Variants in PCGF5 observed in about 807,000 individuals in gnomAD.
The protein encoded by PCGF5 is polycomb group ring finger 5.
In PCGF5, 9 loss-of-function variants were observed where a neutral mutation model predicts 44.3. That is an observed-to-expected ratio of 0.20 (90% CI 0.12 to 0.35). The LOEUF (loss-of-function observed/expected upper bound fraction) is 0.35. PCGF5 is among the 10% of genes least tolerant of loss of function. The pLI, the probability that PCGF5 is intolerant of heterozygous loss-of-function variation, is 1.00. For missense variants in PCGF5, 146 were observed against 305.3 expected, an observed-to-expected ratio of 0.48 and a Z score of 3.89; for synonymous variants, 95 against 102.5, an observed-to-expected ratio of 0.93 and a Z score of 0.44.
chr10:91,241,584 A>G (rs1845328427), intron 3 of PCGF5, among the ~76,000 whole-genome samples: 2 of 151,924 alleles, frequency 1.3e-5, no homozygotes, highest in African/African-American at 4.8e-5. Flanking sequence ...CACCTGTGTG[A>G]TCTTTAAGAA....
chr10:91,242,449 A>G (rs1442220309), intron 3 of PCGF5, among the ~76,000 whole-genome samples: 3 of 152,168 alleles, frequency 2.0e-5, no homozygotes, highest in African/African-American at 7.2e-5. Flanking sequence ...CAGACAGTTA[A>G]TAATTATTAC....
chr10:91,162,140 T>C (rs1843397180), upstream of PCGF5, among the ~76,000 whole-genome samples: 1 of 151,990 alleles, frequency 6.6e-6, no homozygotes, highest in Admixed American at 6.5e-5. Flanking sequence ...AGGTGTTGTC[T>C]GTAAACGGAG....
intron 1 of PCGF5, among the ~76,000 whole-genome samples, chr10:91,182,766 G>T (rs1449825151): frequency 6.6e-6 from 1 of 152,154 alleles, no homozygotes; most frequent in Non-Finnish European, 1.5e-5. Context: ...TAGTTTCAAA[G>T]AACTTGATTT....
chr10:91,157,191 C>A, the PCGF5 span, among the ~76,000 whole-genome samples: 2 of 152,184 alleles, frequency 1.3e-5, no homozygotes, highest in Non-Finnish European at 2.9e-5. Flanking sequence ...AAGTACTTTA[C>A]ATTTGTTATC....
chr10:91,178,524 G>A (rs1843756231), intron 1 of PCGF5, among the ~76,000 whole-genome samples: 1 of 151,768 alleles, frequency 6.6e-6, no homozygotes, highest in Non-Finnish European at 1.5e-5. Context: ...AAAGTAGCTG[G>A]AACCACAAGT....
intron 1 of PCGF5, among the ~76,000 whole-genome samples, chr10:91,211,646 T>C (rs1844454072): frequency 6.6e-6 from 1 of 152,156 alleles, no homozygotes; most frequent in South Asian, 2.1e-4. Context: ...GCTGGAAGAA[T>C]GAACAGTTTA....
chr10:91,260,625 C>T (rs946610660), intron 6 of PCGF5, among the ~76,000 whole-genome samples: 4 of 152,216 alleles, frequency 2.6e-5, no homozygotes, highest in African/African-American at 9.6e-5. Context: ...GAATACTATG[C>T]AGCCATAAAA....
At chr10:91,247,500 G>C (rs1845496518) in intron 3 of PCGF5, among the ~76,000 whole-genome samples, 1 of 151,580 alleles carries the variant, frequency 6.6e-6, no homozygotes, top group African/African-American at 2.4e-5. Context: ...AAAGGTTTTG[G>C]GGTTTTTTTT....
chr10:91,263,147 G>C (rs567515850), intron 7 of PCGF5, among the ~76,000 whole-genome samples: 1 of 152,134 alleles, frequency 6.6e-6, no homozygotes, highest in Admixed American at 6.6e-5. Context: ...TATGCAGGGG[G>C]ATTATTTAAT....
At position 91,262,941 on chromosome 10, in the gene PCGF5, T is replaced by C. The variant is rs374082031; in HGVS notation, c.574-1490T>C. On this transcript the variant is annotated intron_variant, in intron 7 of 9. Coordinates refer to ENST00000336126, the MANE Select transcript of PCGF5 (RefSeq NM_032373.5). ...TCATTGAGTTAACATTTTCTAATTT[T>C]TAGAAAGCTGTTATTACTAAGAGAA... Among the ~76,000 whole-genome samples the C allele has an allele frequency of 4.6e-5, 7 of 152,364 alleles. No homozygotes were observed. The East Asian group carries it at 7.7e-4, about 17-fold the overall frequency.
Position 91,203,240 on chromosome 10 carries a change from C to T in PCGF5, c.-183-19449C>T, listed in dbSNP as rs986108366. ...TATTAAAATGTTTAGGAAAATTATCCAACATTTGGGAATAAGGCACAGGAT... is the reference window on the plus strand; with the variant it reads ...TATTAAAATGTTTAGGAAAATTATCTAACATTTGGGAATAAGGCACAGGAT... On this transcript the variant is annotated intron_variant, in intron 1 of 9. Coordinates refer to the PCGF5 transcript ENST00000614189. 5.9e-5 allele frequency among the ~76,000 whole-genome samples: 9 copies of T among 152,156 alleles called. No individual in the cohort carries two copies. In the East Asian group the frequency reaches 1.7e-3, roughly 29 times the overall value.
intron 6 of PCGF5, among the ~76,000 whole-genome samples, chr10:91,255,917 T>A (rs546139010): frequency 6.6e-6 from 1 of 152,200 alleles, no homozygotes; most frequent in Non-Finnish European, 1.5e-5. Flanking sequence ...TTAAATCATC[T>A]CTAGATTACT....
At chr10:91,259,928 C>G in intron 6 of PCGF5, among the ~76,000 whole-genome samples, 1 of 151,726 alleles carries the variant, frequency 6.6e-6, no homozygotes, top group Non-Finnish European at 1.5e-5. Flanking sequence ...GTCTAAAACA[C>G]CAAAAGCAAT....
chr10:91,178,888 T>C (rs889389527), intron 1 of PCGF5, among the ~76,000 whole-genome samples: 1 of 152,208 alleles, frequency 6.6e-6, no homozygotes, highest in Admixed American at 6.5e-5. Flanking sequence ...TGAAGCATTA[T>C]TATTTGGAAG....
At chr10:91,267,809 A>G (rs1473015543) in intron 8 of PCGF5, among the ~76,000 whole-genome samples, 1 of 152,146 alleles carries the variant, frequency 6.6e-6, no homozygotes, top group Non-Finnish European at 1.5e-5. Flanking sequence ...AGGATGTCTG[A>G]AGAGCTCTTA....
chr10:91,209,388 C>T (rs1240833678), intron 1 of PCGF5, among the ~76,000 whole-genome samples: 1 of 152,092 alleles, frequency 6.6e-6, no homozygotes, highest in African/African-American at 2.4e-5. Flanking sequence ...GTAGGAGGAT[C>T]ATTTGAGACC....
intron 1 of PCGF5, among the ~76,000 whole-genome samples, chr10:91,168,808 A>G (rs534230041): frequency 6.6e-6 from 1 of 151,950 alleles, no homozygotes; most frequent in East Asian, 1.9e-4. Flanking sequence ...TGTGTCTGTA[A>G]TCTCAGCTAC....
chr10:91,262,601 T>A (rs1185619122), intron 7 of PCGF5, among the ~76,000 whole-genome samples: 1 of 152,174 alleles, frequency 6.6e-6, no homozygotes, highest in East Asian at 1.9e-4. Context: ...TATGTCCATG[T>A]TTTGAGGAAG....
intron 1 of PCGF5, among the ~76,000 whole-genome samples, chr10:91,206,111 T>G (rs1034901277): frequency 2.6e-4 from 40 of 152,226 alleles, no homozygotes; most frequent in African/African-American, 9.6e-4. Flanking sequence ...TTTTAATCTT[T>G]TATTTATAAA....
Sources: gnomAD v4.1 joint callset for allele counts (sites outside exome capture counted in the v4.1 genomes callset) on GRCh38, gnomAD v4.1.1 for gene constraint, MANE v1.5 for transcripts, NCBI Gene and HGNC (gene_info 2026-07-23, HGNC 2026-07-21) for gene names.